Variants in IGF2BP3 observed in about 807,000 individuals in gnomAD.
IGF2BP3 encodes insulin like growth factor 2 mRNA binding protein 3, also known as insulin-like growth factor 2 mRNA-binding protein 3.
IGF2BP3 carries 9 observed loss-of-function variants against 73.8 expected under a neutral mutation model. That is an observed-to-expected ratio of 0.12 (90% CI 0.07 to 0.21). The LOEUF is 0.21. IGF2BP3 is among the 10% of genes least tolerant of loss of function. The pLI is 1.00. For synonymous variants in IGF2BP3, 258 were observed against 256.7 expected (o/e 1.01, Z -0.05); for missense variants, 542 against 714.0 (o/e 0.76, Z 2.75).
intron 3 of IGF2BP3, among the ~76,000 whole-genome samples, chr7:23,384,586 T>A (rs979148022): frequency 1.3e-5 from 2 of 151,858 alleles, no homozygotes; most frequent in Non-Finnish European, 2.9e-5. Context: ...CATAAATGGA[T>A]CTTTATAAAA....
At chr7:23,388,549 G>T (rs1583976487) in intron 3 of IGF2BP3, among the ~76,000 whole-genome samples, 2 of 151,650 alleles carry the variant, frequency 1.3e-5, no homozygotes, top group East Asian at 3.9e-4. Context: ...GGTTTCAAGG[G>T]GAACAGAGAT....
Position 23,351,537 on chromosome 7 carries a change from C to A in IGF2BP3, c.451G>T (p.Val151Leu), listed in dbSNP as rs547579398. 1.6e-5 allele frequency: 26 copies of A among 1,614,118 alleles called. No individual in the cohort carries two copies. In the South Asian group the frequency reaches 2.4e-4, roughly 15 times the overall value. The change falls in exon 6 of 15, where the codon GTA becomes TTA. Residue 151 changes from valine to leucine, a missense_variant. Coordinates refer to ENST00000258729, the MANE Select transcript of IGF2BP3 (RefSeq NM_006547.3). ...GCCATTTCATCAGGGATATAGGCTA[C>A]TTTCAAGGTGAAATTCTCTAACTGA... ...GFQLENFTLK[V>L]AYIPDEMAAQ...
Position 23,469,842 on chromosome 7 carries a change from C to CTCA in IGF2BP3, c.175+93_175+94insTGA. 1.2e-6 allele frequency: 1 copy of CTCA among 817,738 alleles called. No individual in the cohort carries two copies. Among genetic ancestry groups the CTCA allele is most frequent in the Non-Finnish European group, 1.6e-6 (1 of 611,724 alleles). The allele number at this position is 817,738 out of a possible 1,614,324, so 50.7% of individuals were successfully genotyped here. A position where few individuals can be genotyped will look rare whatever the true frequency, so the allele number is the denominator to read the frequency against. On this transcript the variant is annotated intron_variant, in intron 1 of 14. Transcript: ENST00000258729. This position sits in a 1 kb window ranked among gnomAD's most constrained non-coding sequence, Gnocchi z 6.1. Reference sequence around the variant, plus strand: ...AGGCCTCACCCCCGCTCCCCCAGCGCGCCGGGCCTGGGGCCCGCGGAGCCA... The same window carrying CTCA: ...AGGCCTCACCCCCGCTCCCCCAGCGCTCAGCCGGGCCTGGGGCCCGCGGAGCCA...
At chr7:23,372,772 T>G (rs1027690974) in intron 3 of IGF2BP3, among the ~76,000 whole-genome samples, 32 of 152,194 alleles carry the variant, frequency 2.1e-4, no homozygotes, top group African/African-American at 7.5e-4. Flanking sequence ...CAGTCATGAA[T>G]CAGGGCTGCT....
At chr7:23,455,709 G>A (rs1178656441) in intron 2 of IGF2BP3, among the ~76,000 whole-genome samples, 7 of 151,912 alleles carry the variant, frequency 4.6e-5, no homozygotes, top group African/African-American at 9.7e-5. Flanking sequence ...TTTTGGAGAC[G>A]GAGTCTCCCT....
chr7:23,322,872 G>A (rs540944007), intron 10 of IGF2BP3, among the ~76,000 whole-genome samples: 5 of 152,228 alleles, frequency 3.3e-5, no homozygotes, highest in East Asian at 3.9e-4. Context: ...AGCAAATGCC[G>A]AGAGATTTTG....
At chr7:23,440,167 G>A (rs2128544751) in intron 2 of IGF2BP3, among the ~76,000 whole-genome samples, 1 of 152,084 alleles carries the variant, frequency 6.6e-6, no homozygotes, top group South Asian at 2.1e-4. Context: ...GGAGGCTGAG[G>A]CAGGAGAATC....
intron 9 of IGF2BP3, among the ~76,000 whole-genome samples, chr7:23,342,484 C>T (rs761626074): frequency 6.6e-6 from 1 of 152,152 alleles, no homozygotes; most frequent in Non-Finnish European, 1.5e-5. Flanking sequence ...TAGACAAAAC[C>T]GTATTCTGCA....
At chr7:23,339,821 G>A (rs574388644) in intron 10 of IGF2BP3, among the ~76,000 whole-genome samples, 1 of 152,138 alleles carries the variant, frequency 6.6e-6, no homozygotes, top group Non-Finnish European at 1.5e-5. Context: ...ATTTTATACA[G>A]AAGTGTTGGG....
chr7:23,367,594 G>A (rs1785415833), intron 3 of IGF2BP3, among the ~76,000 whole-genome samples: 1 of 152,140 alleles, frequency 6.6e-6, no homozygotes, highest in Admixed American at 6.5e-5. Flanking sequence ...ACAGGGGAGG[G>A]AGGAAGGGGT....
In IGF2BP3 at chr7:23,327,064, T is replaced by TAATAAATA. The variant is rs370034312; in HGVS notation, c.1204-7818_1204-7811dup. ...CACATGTACCCTAAAACTTAAAGTA[T>TAATAAATA]AATAAATAAATTAATTAATTAATTA... On this transcript the variant is annotated intron_variant, in intron 10 of 14. Coordinates refer to ENST00000258729, the MANE Select transcript of IGF2BP3 (RefSeq NM_006547.3). Among the ~76,000 whole-genome samples the TAATAAATA allele has an allele frequency of 6.4e-3, 961 of 149,906 alleles. 11 individuals are homozygous for TAATAAATA. Among genetic ancestry groups the TAATAAATA allele is most frequent in the African/African-American group, 0.022 (874 of 39,524 alleles).
chr7:23,335,493 G>T (rs1029165114), intron 10 of IGF2BP3, among the ~76,000 whole-genome samples: 1 of 149,828 alleles, frequency 6.7e-6, no homozygotes, highest in Non-Finnish European at 1.5e-5. Context: ...TTCTCCCTAT[G>T]TTGCCCAGCC....
Position 23,425,441 on chromosome 7 carries a change from G to A in IGF2BP3, c.237-6617C>T, listed in dbSNP as rs143184008. Among the ~76,000 whole-genome samples, 873 of 152,188 alleles carry A rather than the reference G, an allele frequency of 5.7e-3. 8 individuals carry two copies. Among genetic ancestry groups the A allele is most frequent in the African/African-American group, 0.02 (830 of 41,516 alleles). On this transcript the variant is annotated intron_variant, in intron 2 of 14. Transcript: ENST00000258729. ...CTATTGCCCAGACTGGAGAGCAGTG[G>A]TACAATCACCTCACTGCAGACTCAA...
chr7:23,361,560 G>T lies in IGF2BP3; in HGVS notation c.375C>A (p.Thr125=), dbSNP rs1284485591. The change falls in exon 5 of 15, where the codon ACC becomes ACA. Residue 125 remains threonine, a synonymous_variant. Coordinates refer to ENST00000258729, the MANE Select transcript of IGF2BP3 (RefSeq NM_006547.3). Reference sequence around the variant, plus strand: ...GTCTAGCTTGGTCCTTACTGGAATAGGTTACATTTACAACTGCAGTTTCCG... The same window carrying T: ...GTCTAGCTTGGTCCTTACTGGAATATGTTACATTTACAACTGCAGTTTCCG... ...TDSETAVVNV[T]YSSKDQARQA... is the part of the protein sequence containing the mutation. 6.2e-7 allele frequency: 1 copy of T among 1,612,718 alleles called. No homozygotes were observed. Among genetic ancestry groups the T allele is most frequent in the African/African-American group, 1.3e-5 (1 of 74,894 alleles).
intron 10 of IGF2BP3, among the ~76,000 whole-genome samples, chr7:23,335,341 G>A (rs936793993): frequency 1.3e-5 from 2 of 151,304 alleles, no homozygotes; most frequent in Admixed American, 6.6e-5. Context: ...GGAGTGCAGT[G>A]GCTCAATCAC....
intron 3 of IGF2BP3, among the ~76,000 whole-genome samples, chr7:23,390,701 G>A (rs1245400033): frequency 6.6e-6 from 1 of 152,054 alleles, no homozygotes; most frequent in African/African-American, 2.4e-5. Context: ...AGGCAGCACA[G>A]GAATGCCAAG....
At chr7:23,392,685 G>C (rs1381085460) in intron 3 of IGF2BP3, among the ~76,000 whole-genome samples, 3 of 152,030 alleles carry the variant, frequency 2.0e-5, no homozygotes, top group African/African-American at 7.3e-5. Context: ...GCCACAGTAT[G>C]ATTGCATGAT....
At chr7:23,356,602 A>G (rs1390186967) in intron 5 of IGF2BP3, among the ~76,000 whole-genome samples, 1 of 152,094 alleles carries the variant, frequency 6.6e-6, no homozygotes, top group African/African-American at 2.4e-5. Context: ...CATGTCTAAA[A>G]ATCTCTTCTT....
chr7:23,317,661 C>A lies in IGF2BP3; in HGVS notation c.1373G>T (p.Gly458Val). The A allele has an allele frequency of 6.2e-7, 1 of 1,613,978 alleles. No individual in the cohort carries two copies. Among genetic ancestry groups the A allele is most frequent in the Non-Finnish European group, 8.5e-7 (1 of 1,179,860 alleles). ...TACCTTGAACTGAGCCTCTGGTGGT[C>A]CAGTGATAATCACCATCCTCACTTT... ...DAKVRMVIIT[G>V]PPEAQFKAQG... Residue 458 changes from glycine to valine, a missense_variant, in exon 12 of 15, where the codon GGA becomes GTA. This residue lies in a region of IGF2BP3 where 303 missense variants were observed against 472.1 expected (regional missense o/e 0.64). Transcript: ENST00000258729.
Sources: gnomAD v4.1 joint callset for allele counts (sites outside exome capture counted in the v4.1 genomes callset) on GRCh38, gnomAD v4.1.1 for gene constraint, gnomAD v4.1.1 regional missense constraint, Gnocchi (gnomAD v3.1) non-coding constraint, MANE v1.5 for transcripts, NCBI Gene and HGNC (gene_info 2026-07-23, HGNC 2026-07-21) for gene names.